TENT4A: variants seen among roughly 807,000 people sequenced by gnomAD.
TENT4A encodes the protein terminal nucleotidyltransferase 4A.
Under a neutral mutation model 72.8 loss-of-function variants are expected in TENT4A, and 7 were observed. The observed-to-expected ratio is 0.10, with a 90% CI of 0.05 to 0.18. The LOEUF is 0.18. TENT4A is among the 10% of genes least tolerant of loss of function. The probability of loss-of-function intolerance (pLI) is 1.00; values close to 1 mark genes in which losing one functional copy is unlikely to be tolerated. For synonymous variants in TENT4A, 456 were observed against 434.3 expected (o/e 1.05, Z -0.62); for missense variants, 831 against 1,017.7 (o/e 0.82, Z 2.50).
At chr5:6,731,009 C>G in intron 1 of TENT4A, among the ~76,000 whole-genome samples, 1 of 152,186 alleles carries the variant, frequency 6.6e-6, no homozygotes, top group East Asian at 1.9e-4. Flanking sequence ...AAATATTAAT[C>G]CAGACCCTAT....
intron 7 of TENT4A, among the ~76,000 whole-genome samples, chr5:6,748,021 A>G (rs772900755): frequency 2.0e-5 from 3 of 152,152 alleles, no homozygotes; most frequent in Admixed American, 6.5e-5. Flanking sequence ...CTGCCCTTCT[A>G]CCTGCCCTGT....
At chr5:6,749,241 G>A (rs762189598) in intron 8 of TENT4A, among the ~76,000 whole-genome samples, 9 of 152,250 alleles carry the variant, frequency 5.9e-5, no homozygotes, top group Admixed American at 2.6e-4. Flanking sequence ...TCTCGGTACC[G>A]TCTCCATTCT....
intron 1 of TENT4A, among the ~76,000 whole-genome samples, chr5:6,720,137 T>C (rs1390884171): frequency 6.6e-6 from 1 of 152,216 alleles, no homozygotes; most frequent in Non-Finnish European, 1.5e-5. Context: ...ATTTCTCTGA[T>C]GTTTTCCGCC....
chr5:6,752,900 C>A lies in TENT4A; in HGVS notation c.2047C>A (p.Leu683Ile), dbSNP rs28381429. The change falls in exon 12 of 13, where the codon CTA (leucine) becomes ATA (isoleucine). Residue 683 changes from leucine (L) to isoleucine (I), a missense_variant. By Grantham distance (5) the Leu-to-Ile change is conservative. Coordinates refer to ENST00000230859, the MANE Select transcript of TENT4A (RefSeq NM_006999.6). Reference protein sequence around the residue: ...QTRFTIPPPTLGVAPVPCRQA... With the variant: ...QTRFTIPPPTIGVAPVPCRQA... The stretch of plus-strand genomic sequence containing the variant: ...CAGGTTTACTATACCTCCACCGACC[C>A]TAGGGGTTGCTCCTGTTCCTTGCAG... 2 of 1,614,090 alleles carry A rather than the reference C, an allele frequency of 1.2e-6. No individual in the cohort carries two copies. Among genetic ancestry groups the A allele is most frequent in the Admixed American group, 1.7e-5 (1 of 60,010 alleles).
chr5:6,714,227 G>A lies in TENT4A; in HGVS notation c.244G>A (p.Ala82Thr). The change falls in exon 1 of 13, where the codon GCC becomes ACC. Residue 82 changes from alanine to threonine, a missense_variant. Physicochemically the swap from Ala to Thr is moderately conservative, Grantham distance 58 (BLOSUM62 0). Around this residue, in one of 3 missense-constraint regions of TENT4A, gnomAD observed 302 missense variants for 293.8 expected, o/e 1.03. Transcript: ENST00000230859. The stretch of plus-strand genomic sequence containing the variant: ...CCCGCCGCCCGGCCCCACCGCGCCC[G>A]CCGCGCTGCCCCCCGCGCTGCTGAC... ...SPPPPGPTAPAALPPALLTAL... is the reference protein window; with the variant it reads ...SPPPPGPTAPTALPPALLTAL... 1.0e-6 allele frequency: 1 copy of A among 990,982 alleles called. No homozygotes were observed. Among genetic ancestry groups the A allele is most frequent in the Non-Finnish European group, 1.2e-6 (1 of 836,588 alleles). 61.4% of individuals were successfully genotyped at this position (990,982 alleles called of 1,614,324 possible).
intron 6 of TENT4A, 178 bp from the exon 7 acceptor site, chr5:6,746,036 T>C (rs1172426852): frequency 3.4e-6 from 5 of 1,459,596 alleles, no homozygotes; most frequent in African/African-American, 2.9e-5. Flanking sequence ...GTGTTCCTTT[T>C]GAACACTCCT....
chr5:6,738,827 G>A, intron 3 of TENT4A, 98 bp downstream of exon 3: 1 of 877,368 alleles, frequency 1.1e-6, no homozygotes, highest in East Asian at 2.4e-5. Flanking sequence ...TTGAGTCTAA[G>A]GCGAGAAATG....
intron 1 of TENT4A, among the ~76,000 whole-genome samples, chr5:6,720,675 A>AAAATAAATAAATAAAT (rs141500932): frequency 1.7e-4 from 24 of 140,196 alleles, no homozygotes; most frequent in South Asian, 7.1e-4. Context: ...ACTCTGTCTC[A>AAAATAAATAAATAAAT]AAATAAATAA....
chr5:6,715,602 C>T (rs1478325531), intron 1 of TENT4A, among the ~76,000 whole-genome samples: 1 of 152,172 alleles, frequency 6.6e-6, no homozygotes, highest in Non-Finnish European at 1.5e-5. Flanking sequence ...ATTTAAAAAA[C>T]AATTAAGGAT....
rs778563360 is a variant in TENT4A, at chr5:6,737,633, TGTGA to T, written c.840+3_840+6del. The T allele has an allele frequency of 8.1e-5, 131 of 1,613,540 alleles. No homozygotes were observed. The highest frequency in any genetic ancestry group is 9.5e-5 in the Non-Finnish European group (112 of 1,179,894). ...TGAAAGACCTTTGGCCGACGGCTGA[TGTGA>T]GTATGTTCTTTGGAGTTCTGTGTCG... On this transcript the variant is annotated splice_donor_variant and splice_donor_region_variant and intron_variant, in intron 2 of 12. Transcript: ENST00000230859. LOFTEE classifies it high-confidence loss of function.
At chr5:6,719,830 A>G (rs2126596665) in intron 1 of TENT4A, among the ~76,000 whole-genome samples, 1 of 152,332 alleles carries the variant, frequency 6.6e-6, no homozygotes, top group South Asian at 2.1e-4. Context: ...ACATAAACTC[A>G]GAGGCTTAGA....
chr5:6,744,125 T>C (rs1741960287), intron 6 of TENT4A, among the ~76,000 whole-genome samples: 1 of 152,222 alleles, frequency 6.6e-6, no homozygotes, highest in South Asian at 2.1e-4. Context: ...TATTCAGAAA[T>C]GTCCATTTCA....
Position 6,719,944 on chromosome 5 carries a change from C to T in TENT4A, c.716+5245C>T, listed in dbSNP as rs906792344. 5.9e-5 allele frequency among the ~76,000 whole-genome samples: 9 copies of T among 152,220 alleles called. No individual in the cohort carries two copies. The South Asian group carries it at 1.2e-3, about 21-fold the overall frequency. On this transcript the variant is annotated intron_variant, in intron 1 of 12. Coordinates refer to ENST00000230859, the MANE Select transcript of TENT4A (RefSeq NM_006999.6). ...GCAAGGCTGAAGTCAAGGTGTTGGC[C>T]AGCTGTGTTCTCAGCTGGCACTCAG...
chr5:6,742,012 G>A (rs892165330), intron 4 of TENT4A, among the ~76,000 whole-genome samples: 32 of 152,066 alleles, frequency 2.1e-4, no homozygotes, highest in Admixed American at 2.1e-3. Flanking sequence ...ATTTTTTAGG[G>A]GAAAAATTTT....
intron 2 of TENT4A, 89 bp downstream of exon 2, chr5:6,737,722 A>G: frequency 7.0e-7 from 1 of 1,420,160 alleles, no homozygotes; most frequent in Non-Finnish European, 9.5e-7. Flanking sequence ...CTAGATCCAC[A>G]CAGACCTTTT....
intron 4 of TENT4A, among the ~76,000 whole-genome samples, chr5:6,741,701 G>A (rs1741815305): frequency 1.3e-5 from 2 of 152,236 alleles, no homozygotes. Flanking sequence ...GCCCTCAAGT[G>A]TAGACATTAA....
chr5:6,750,982 G>C, intron 10 of TENT4A, 57 bp from the exon 11 acceptor site: 1 of 1,567,906 alleles, frequency 6.4e-7, no homozygotes. Flanking sequence ...CTTTAAGGAA[G>C]TAGTAGTGCA....
intron 9 of TENT4A, 40 bp downstream of exon 9, chr5:6,749,697 C>G: frequency 2.3e-6 from 3 of 1,313,572 alleles, no homozygotes; most frequent in Non-Finnish European, 3.3e-6. Flanking sequence ...TAACCACTGG[C>G]TGGCATGTTC....
intron 1 of TENT4A, among the ~76,000 whole-genome samples, chr5:6,733,795 G>T (rs999021253): frequency 6.6e-6 from 1 of 152,192 alleles, no homozygotes; most frequent in Admixed American, 6.5e-5. Context: ...TTGCGCTGGC[G>T]GCGTGGCCTG....
Sources: allele counts gnomAD v4.1 joint callset (sites outside exome capture counted in the v4.1 genomes callset), GRCh38; gene constraint gnomAD v4.1.1; regional missense constraint gnomAD v4.1.1; transcripts MANE v1.5; gene names NCBI Gene and HGNC (gene_info 2026-07-23, HGNC 2026-07-21).